GRTP1: variants seen among roughly 807,000 people sequenced by gnomAD.
GRTP1 encodes growth hormone-regulated TBC protein 1.
GRTP1 carries 56 observed loss-of-function variants against 38.1 expected under a neutral mutation model. The ratio of observed to expected loss-of-function variants is 1.47; its 90% CI spans 1.19 to 1.84. The LOEUF (loss-of-function observed/expected upper bound fraction) is 1.84. Among genes scored for constraint, GRTP1 ranks in the 40% most tolerant of loss-of-function variants. The pLI is 0.00. For synonymous variants in GRTP1, 217 were observed against 189.5 expected, an observed-to-expected ratio of 1.14 and a Z score of -1.19; for missense variants, 506 against 453.9, an observed-to-expected ratio of 1.11 and a Z score of -1.04.
At chr13:113,352,324 T>TTTTATATATATTTTATATATATA (rs1172568921) in intron 3 of GRTP1, among the ~76,000 whole-genome samples, 1 of 13,708 alleles carries the variant, frequency 7.3e-5, no homozygotes, top group Non-Finnish European at 1.4e-4. Context: ...TTATATATAT[T>TTTTATATATATTTTATATATATA]TTTATATATA....
chr13:113,347,319 GCAGAGAGCAGAC>G, intron 4 of GRTP1, among the ~76,000 whole-genome samples: 1 of 72,450 alleles, frequency 1.4e-5, no homozygotes. Flanking sequence ...GACCTCTGTG[GCAGAGAGCAGAC>G]CCGGGAGGAC....
intron 2 of GRTP1, among the ~76,000 whole-genome samples, chr13:113,358,106 T>C (rs896243553): frequency 4.6e-5 from 7 of 152,084 alleles, no homozygotes; most frequent in African/African-American, 9.7e-5. Flanking sequence ...CGCTTGAACC[T>C]GGGAGGCGGA....
intron 2 of GRTP1, chr13:113,359,922 G>A (rs913096401): frequency 1.3e-5 from 2 of 152,226 alleles, no homozygotes. Context: ...AACGCACAGA[G>A]CATCACTAAT....
rs1425677041 is a variant in GRTP1, at chr13:113,342,504, CA to C, written c.562+2358del. Among the ~76,000 whole-genome samples, 65 of 135,848 alleles carry C rather than the reference CA, an allele frequency of 4.8e-4. No individual in the cohort carries two copies. The highest frequency in any genetic ancestry group is 5.9e-4 in the Admixed American group (8 of 13,628). The allele number at this position is 135,848 out of a possible 152,430, so 89.1% of individuals were successfully genotyped here. A position where few individuals can be genotyped will look rare whatever the true frequency, so the allele number is the denominator to read the frequency against. On this transcript the variant is annotated intron_variant, in intron 5 of 7. Coordinates refer to ENST00000375431, the MANE Select transcript of GRTP1 (RefSeq NM_024719.4). This position sits in a 1 kb window ranked among gnomAD's most constrained non-coding sequence, Gnocchi z 4.5. ...TGGGCGACAGAGCGAGACTCAGTCT[CA>C]AAAAAAAAAAAGTACTGTATTTTTT...
At chr13:113,326,167 C>T (rs947453915) in intron 5 of GRTP1, 76 bp from the exon 6 acceptor site, 1 of 1,557,618 alleles carries the variant, frequency 6.4e-7, no homozygotes, top group Non-Finnish European at 8.7e-7. Context: ...CAGAGCCAGA[C>T]AAAGACAACA....
chr13:113,326,445 G>A (rs1044962801), intron 5 of GRTP1, among the ~76,000 whole-genome samples: 1 of 149,066 alleles, frequency 6.7e-6, no homozygotes, highest in Non-Finnish European at 1.5e-5. Flanking sequence ...CGAGGCGGGT[G>A]GATCACCTAA....
intron 5 of GRTP1, among the ~76,000 whole-genome samples, chr13:113,335,065 G>A (rs1003746777): frequency 4.0e-5 from 6 of 148,626 alleles, no homozygotes; most frequent in Admixed American, 2.7e-4. Context: ...CTCGCGATCC[G>A]CCTGCCTCAG....
At chr13:113,360,751 T>C (rs565672198) in intron 2 of GRTP1, among the ~76,000 whole-genome samples, 7 of 152,252 alleles carry the variant, frequency 4.6e-5, no homozygotes, top group South Asian at 2.1e-4. Flanking sequence ...ATCAAAGAGA[T>C]ATATTTGCTC....
intron 5 of GRTP1, among the ~76,000 whole-genome samples, chr13:113,338,460 G>A (rs959261866): frequency 8.5e-5 from 13 of 152,154 alleles, no homozygotes; most frequent in Admixed American, 8.5e-4. Flanking sequence ...CAAACAGTCC[G>A]CAACAACAGT....
intron 5 of GRTP1, among the ~76,000 whole-genome samples, chr13:113,326,395 G>GGGGGGGGGGGGGGT (rs1566411549): frequency 1.5e-5 from 1 of 64,788 alleles, no homozygotes; most frequent in Non-Finnish European, 3.3e-5. Context: ...GGGGGGGCGG[G>GGGGGGGGGGGGGGT]AGCGTGGCTC....
At chr13:113,341,400 G>A (rs918914355) in intron 5 of GRTP1, among the ~76,000 whole-genome samples, 1 of 152,128 alleles carries the variant, frequency 6.6e-6, no homozygotes, top group African/African-American at 2.4e-5. Context: ...CCAAGTAGCT[G>A]GGACTACAGG....
At chr13:113,346,018 GAGCAGACCTGGGAA>G (rs2043103076) in intron 4 of GRTP1, among the ~76,000 whole-genome samples, 5 of 91,432 alleles carry the variant, frequency 5.5e-5, no homozygotes, top group African/African-American at 2.0e-4. Flanking sequence ...CTCTGCGGCT[GAGCAGACCTGGGAA>G]GACATCTGTG....
At position 113,343,512 on chromosome 13, in the gene GRTP1, CT is replaced by C. The variant is rs1179555494; in HGVS notation, c.562+1350del. ...CCCTGCCCTTAATGATGCACTTGAG[CT>C]TTGCCCCATCCGTGAGGACACACAC... On this transcript the variant is annotated intron_variant, in intron 5 of 7. Transcript: ENST00000375431. This position sits in a 1 kb window ranked among gnomAD's most constrained non-coding sequence, Gnocchi z 4.8. 6.6e-6 allele frequency among the ~76,000 whole-genome samples: 1 copy of C among 152,196 alleles called. No individual in the cohort carries two copies. Among genetic ancestry groups the C allele is most frequent in the Non-Finnish European group, 1.5e-5 (1 of 68,042 alleles).
At chr13:113,359,451 G>C (rs1376782504) in intron 2 of GRTP1, among the ~76,000 whole-genome samples, 2 of 152,208 alleles carry the variant, frequency 1.3e-5, no homozygotes, top group African/African-American at 4.8e-5. Flanking sequence ...TGGGCATGGT[G>C]GTGCACACCT....
chr13:113,325,321 C>T (rs1277176544), intron 7 of GRTP1: 1 of 1,386,084 alleles, frequency 7.2e-7, no homozygotes, highest in Non-Finnish European at 9.3e-7. Flanking sequence ...CTCATCAGGA[C>T]CTGAGTCTAT....
chr13:113,325,542 G>GTGCCCTAT, intron 7 of GRTP1, 119 bp downstream of exon 7: 2 of 1,565,570 alleles, frequency 1.3e-6, no homozygotes, highest in Non-Finnish European at 1.7e-6. Context: ...GGCTCATCCT[G>GTGCCCTAT]TGCCCTATGC....
chr13:113,346,070 G>GTT (rs2043108286), intron 4 of GRTP1, among the ~76,000 whole-genome samples: 5 of 90,904 alleles, frequency 5.5e-5, no homozygotes, highest in Non-Finnish European at 8.9e-5. Context: ...GAGGACCTCT[G>GTT]CGGCTGAGCA....
intron 5 of GRTP1, among the ~76,000 whole-genome samples, chr13:113,328,818 C>G (rs2042813545): frequency 6.6e-6 from 1 of 152,244 alleles, no homozygotes; most frequent in South Asian, 2.1e-4. Context: ...AGGGGCGTCT[C>G]CCTCTCCCTT....
At chr13:113,333,238 C>T (rs900020090) in intron 5 of GRTP1, among the ~76,000 whole-genome samples, 2 of 152,134 alleles carry the variant, frequency 1.3e-5, no homozygotes, top group African/African-American at 2.4e-5. Flanking sequence ...ACGCACAGAC[C>T]GAAGGGGCCC....
Sources: allele counts gnomAD v4.1 joint callset (sites outside exome capture counted in the v4.1 genomes callset), GRCh38; gene constraint gnomAD v4.1.1; non-coding constraint Gnocchi (gnomAD v3.1); transcripts MANE v1.5; gene names NCBI Gene and HGNC (gene_info 2026-07-23, HGNC 2026-07-21).